Variants in BCL11A observed in about 807,000 individuals in gnomAD.
BCL11A encodes B cell CLL/lymphoma 11A.
Under a neutral mutation model 55.9 loss-of-function variants are expected in BCL11A, and 2 were observed. The ratio of observed to expected loss-of-function variants is 0.04; its 90% CI spans 0.01 to 0.11. The LOEUF is 0.11. BCL11A is among the 10% of genes least tolerant of loss of function. The pLI is 1.00. For synonymous variants in BCL11A, 465 were observed against 473.4 expected (o/e 0.98, Z 0.23); for missense variants, 817 against 1,137.1 (o/e 0.72, Z 4.05).
At chr2:60,468,902 C>T in intron 2 of BCL11A, 69 bp from the exon 3 acceptor site, 3 of 931,154 alleles carry the variant, frequency 3.2e-6, no homozygotes, top group Non-Finnish European at 5.1e-6. Flanking sequence ...CAGGATATCA[C>T]ATTTCAATTC....
At chr2:60,540,345 T>C (rs1322024720) in intron 2 of BCL11A, among the ~76,000 whole-genome samples, 1 of 152,228 alleles carries the variant, frequency 6.6e-6, no homozygotes, top group African/African-American at 2.4e-5. Context: ...GGGCTTGGGG[T>C]AAATTTTGTC....
chr2:60,553,293 G>A lies in BCL11A; in HGVS notation c.-23C>T. 6.6e-7 allele frequency: 1 copy of A among 1,523,494 alleles called. No homozygotes were observed. The allele number at this position is 1,523,494 out of a possible 1,614,324, so 94.4% of individuals were successfully genotyped here. ...CATGGTGGGCTGCGGGGCGGGCGGC[G>A]GCGGCGGCGGCGGCGGCGGCGGGCG... On this transcript the variant is annotated 5_prime_UTR_variant, in exon 1 of 4. Coordinates refer to ENST00000642384, the MANE Select transcript of BCL11A (RefSeq NM_022893.4).
intron 2 of BCL11A, among the ~76,000 whole-genome samples, chr2:60,474,532 T>G (rs1360974859): frequency 6.6e-6 from 1 of 152,268 alleles, no homozygotes; most frequent in Non-Finnish European, 1.5e-5. Flanking sequence ...GTATTTTCAC[T>G]TGATCGTGAA....
At chr2:60,486,909 C>T (rs1306571222) in intron 2 of BCL11A, among the ~76,000 whole-genome samples, 1 of 152,168 alleles carries the variant, frequency 6.6e-6, no homozygotes, top group South Asian at 2.1e-4. Flanking sequence ...TGCCCTTTTC[C>T]CTGCTAACAG....
chr2:60,496,554 C>A (rs1291634783), intron 2 of BCL11A: 1 of 152,294 alleles, frequency 6.6e-6, no homozygotes, highest in Non-Finnish European at 1.5e-5. Flanking sequence ...CACTTTGCTG[C>A]AGGTTCAAGG....
At chr2:60,529,680 C>T (rs1669361326) in intron 2 of BCL11A, among the ~76,000 whole-genome samples, 1 of 152,244 alleles carries the variant, frequency 6.6e-6, no homozygotes, top group East Asian at 1.9e-4. Flanking sequence ...TTTTTATTTG[C>T]TACTAGAAAA....
In BCL11A at chr2:60,457,424, A is replaced by T; in HGVS notation, c.*2980T>A. On this transcript the variant is annotated 3_prime_UTR_variant, in exon 4 of 4. Coordinates refer to ENST00000642384, the MANE Select transcript of BCL11A (RefSeq NM_022893.4). Reference sequence around the variant, plus strand: ...GATCAAATTAAGTGCCTCTGTTTTGAACAGGGCACATAAGCAATAATAAAT... The same window carrying T: ...GATCAAATTAAGTGCCTCTGTTTTGTACAGGGCACATAAGCAATAATAAAT... The T allele has an allele frequency of 9.7e-7, 1 of 1,034,998 alleles. No individual in the cohort carries two copies. Among genetic ancestry groups the T allele is most frequent in the Non-Finnish European group, 1.2e-6 (1 of 858,426 alleles). 64.1% of individuals were successfully genotyped at this position (1,034,998 alleles called of 1,614,324 possible). A position where few individuals can be genotyped will look rare whatever the true frequency, so the allele number is the denominator to read the frequency against.
At chr2:60,465,785 C>T (rs534959212) in intron 3 of BCL11A, among the ~76,000 whole-genome samples, 2 of 152,258 alleles carry the variant, frequency 1.3e-5, no homozygotes, top group Admixed American at 6.5e-5. Flanking sequence ...ACTATCAGGT[C>T]GAATGTGAAT....
chr2:60,492,818 A>C (rs2104327811), intron 2 of BCL11A, among the ~76,000 whole-genome samples: 1 of 152,320 alleles, frequency 6.6e-6, no homozygotes, highest in Non-Finnish European at 1.5e-5. Context: ...GTTTCGCTTT[A>C]GCTTTATTAA....
chr2:60,480,859 G>A (rs1677910201), intron 2 of BCL11A, among the ~76,000 whole-genome samples: 1 of 151,960 alleles, frequency 6.6e-6, no homozygotes. Context: ...TCCCCTACCT[G>A]CACCCCCATC....
intron 2 of BCL11A, among the ~76,000 whole-genome samples, chr2:60,492,883 AT>A (rs1678726741): frequency 6.6e-6 from 1 of 152,134 alleles, no homozygotes. Flanking sequence ...GTTGGATTCA[AT>A]TTGCCAGTTG....
At chr2:60,551,296 T>C (rs1362947613) in intron 1 of BCL11A, among the ~76,000 whole-genome samples, 1 of 152,092 alleles carries the variant, frequency 6.6e-6, no homozygotes, top group African/African-American at 2.4e-5. Context: ...TTATACAGAC[T>C]CACAAGAACC....
At chr2:60,466,860 C>A (rs956841995) in intron 3 of BCL11A, among the ~76,000 whole-genome samples, 3 of 151,884 alleles carry the variant, frequency 2.0e-5, no homozygotes, top group African/African-American at 7.3e-5. Flanking sequence ...CTTCTTGAAC[C>A]TGCTTTTTTG....
At position 60,489,136 on chromosome 2, in the gene BCL11A, AGGGTAC is replaced by A. The variant is rs1426182223; in HGVS notation, c.386-20309_386-20304del. ...TAATAGGTGGTCAAAATGTTTCTAA[AGGGTAC>A]CTTAGACCCCAATTAAACTGTTGCT... On this transcript the variant is annotated intron_variant, in intron 2 of 3. Coordinates refer to ENST00000642384, the MANE Select transcript of BCL11A (RefSeq NM_022893.4). Among the ~76,000 whole-genome samples the A allele has an allele frequency of 3.9e-5, 6 of 152,344 alleles. No homozygotes were observed. In the East Asian group the frequency reaches 1.2e-3, roughly 29 times the overall value.
chr2:60,455,957 A>C (rs1166036835), downstream of BCL11A, among the ~76,000 whole-genome samples: 1 of 152,080 alleles, frequency 6.6e-6, no homozygotes, highest in Non-Finnish European at 1.5e-5. Flanking sequence ...TCAAGTTCTC[A>C]AGGTACCGCA....
At chr2:60,516,207 C>G (rs1668722229) in intron 2 of BCL11A, among the ~76,000 whole-genome samples, 1 of 152,182 alleles carries the variant, frequency 6.6e-6, no homozygotes, top group African/African-American at 2.4e-5. Flanking sequence ...CTCCTCACCC[C>G]AGCACACAGA....
exon 5 of BCL11A, chr2:60,451,305 T>C (rs907330387): frequency 8.8e-6 from 2 of 227,312 alleles, no homozygotes; most frequent in Non-Finnish European, 1.8e-5. Context: ...GGCCTGTATG[T>C]GAATCTACAG....
At chr2:60,502,602 T>TGTGAA (rs1679353507) in intron 2 of BCL11A, among the ~76,000 whole-genome samples, 1 of 152,238 alleles carries the variant, frequency 6.6e-6, no homozygotes, top group Non-Finnish European at 1.5e-5. Flanking sequence ...AATCCCATGC[T>TGTGAA]TTCTAATATT....
chr2:60,531,148 C>T (rs1669438290), intron 2 of BCL11A, among the ~76,000 whole-genome samples: 1 of 151,722 alleles, frequency 6.6e-6, no homozygotes, highest in African/African-American at 2.4e-5. Flanking sequence ...TCCTGGCAAC[C>T]TCAGAAATTA....
Sources: gnomAD v4.1 joint callset for allele counts (sites outside exome capture counted in the v4.1 genomes callset) on GRCh38, gnomAD v4.1.1 for gene constraint, MANE v1.5 for transcripts, NCBI Gene and HGNC (gene_info 2026-07-23, HGNC 2026-07-21) for gene names.